Variants in WWP2 observed in about 807,000 individuals in gnomAD.
The protein encoded by WWP2 is WW domain containing E3 ubiquitin protein ligase 2, also known as NEDD4-like E3 ubiquitin-protein ligase WWP2.
In WWP2, 57 loss-of-function variants were observed where a neutral mutation model predicts 121.0. The ratio of observed to expected loss-of-function variants is 0.47; its 90% CI spans 0.38 to 0.59. WWP2 has a LOEUF of 0.59. Among genes scored for constraint, WWP2 ranks in the 20% least tolerant of loss-of-function variants. The probability of loss-of-function intolerance (pLI) is 0.00; values close to 1 mark genes in which losing one functional copy is unlikely to be tolerated. For missense variants in WWP2, 962 were observed against 1,158.9 expected, an observed-to-expected ratio of 0.83 and a Z score of 2.47; for synonymous variants, 449 against 441.3, an observed-to-expected ratio of 1.02 and a Z score of -0.22.
intron 4 of WWP2, among the ~76,000 whole-genome samples, chr16:69,833,381 A>G (rs1272622658): frequency 6.6e-6 from 1 of 151,512 alleles, no homozygotes; most frequent in Non-Finnish European, 1.5e-5. Flanking sequence ...GGGCAGATCT[A>G]GAGGCTGAGA....
chr16:69,910,888 G>C (rs1365614991), intron 9 of WWP2, among the ~76,000 whole-genome samples: 1 of 152,184 alleles, frequency 6.6e-6, no homozygotes, highest in Non-Finnish European at 1.5e-5. Flanking sequence ...TTTCAGGGTA[G>C]TTTTCATGTT....
At chr16:69,898,867 A>T (rs760866264) in intron 8 of WWP2, among the ~76,000 whole-genome samples, 1 of 151,852 alleles carries the variant, frequency 6.6e-6, no homozygotes, top group Non-Finnish European at 1.5e-5. Context: ...CCACTCCCAG[A>T]TACTTTTTCT....
chr16:69,765,976 CTAAA>C (rs1206126375), intron 1 of WWP2, among the ~76,000 whole-genome samples: 1 of 152,124 alleles, frequency 6.6e-6, no homozygotes, highest in African/African-American at 2.4e-5. Flanking sequence ...TCTCTTAACT[CTAAA>C]TACTATCCAC....
intron 15 of WWP2, 72 bp from the exon 16 acceptor site, chr16:69,931,730 C>A: frequency 3.2e-6 from 5 of 1,581,476 alleles, no homozygotes; most frequent in Non-Finnish European, 4.3e-6. Flanking sequence ...GCCTTAGAGT[C>A]CCCTGTCCCT....
chr16:69,889,558 A>G (rs2057988529), intron 8 of WWP2, among the ~76,000 whole-genome samples: 1 of 152,158 alleles, frequency 6.6e-6, no homozygotes, highest in Non-Finnish European at 1.5e-5. Flanking sequence ...AAGTTAAGGG[A>G]CTCAAATAAG....
chr16:69,874,894 C>T (rs995606455), intron 7 of WWP2, among the ~76,000 whole-genome samples: 1 of 152,054 alleles, frequency 6.6e-6, no homozygotes, highest in African/African-American at 2.4e-5. Context: ...TGGTGACATG[C>T]ATCTGTAGTC....
chr16:69,840,411 C>A, intron 5 of WWP2, 148 bp downstream of exon 5: 1 of 958,144 alleles, frequency 1.0e-6, no homozygotes, highest in Non-Finnish European at 1.5e-6. Flanking sequence ...CTCTTCTTAG[C>A]TCCGTGGATC....
intron 16 of WWP2, among the ~76,000 whole-genome samples, chr16:69,932,395 C>G (rs2058730629): frequency 6.6e-6 from 1 of 152,264 alleles, no homozygotes; most frequent in Admixed American, 6.5e-5. Flanking sequence ...GGGCCTGGAA[C>G]AGGGGCCTGG....
At chr16:69,839,156 G>A (rs2056929454) in intron 4 of WWP2, among the ~76,000 whole-genome samples, 1 of 151,544 alleles carries the variant, frequency 6.6e-6, no homozygotes, top group African/African-American at 2.4e-5. Context: ...TGTTGGATTG[G>A]GTGGGGCGGG....
intron 6 of WWP2, among the ~76,000 whole-genome samples, chr16:69,847,173 C>T (rs1402245907): frequency 6.6e-6 from 1 of 152,128 alleles, no homozygotes; most frequent in Non-Finnish European, 1.5e-5. Flanking sequence ...TAAACTCTGC[C>T]TCCCAGGTTC....
At position 69,799,017 on chromosome 16, in the gene WWP2, G is replaced by A; in HGVS notation, c.219-157G>A. 2 of 1,351,304 alleles carry A rather than the reference G, an allele frequency of 1.5e-6. No individual in the cohort carries two copies. Among genetic ancestry groups the A allele is most frequent in the Non-Finnish European group, 2.0e-6 (2 of 994,296 alleles). The allele number at this position is 1,351,304 out of a possible 1,614,324, so 83.7% of individuals were successfully genotyped here. On this transcript the variant is annotated intron_variant, in intron 3 of 23. Coordinates refer to ENST00000359154, the MANE Select transcript of WWP2 (RefSeq NM_001270454.2). The surrounding 1 kb of genome is among the most constrained non-coding windows in gnomAD (Gnocchi z 4.5). The stretch of plus-strand genomic sequence containing the variant: ...TAGAGCGTTCATTATTATCTAGAGG[G>A]TTACAGGGTCAGCTTTGAGAGGGGA...
intron 8 of WWP2, among the ~76,000 whole-genome samples, chr16:69,895,774 A>T (rs1016118950): frequency 3.3e-5 from 5 of 152,182 alleles, no homozygotes; most frequent in Non-Finnish European, 5.9e-5. Context: ...AAAAGAAAAA[A>T]AAGTTTCTAA....
intron 9 of WWP2, among the ~76,000 whole-genome samples, chr16:69,910,558 C>T (rs1307647835): frequency 2.0e-5 from 3 of 152,190 alleles, no homozygotes; most frequent in East Asian, 1.9e-4. Flanking sequence ...TACAGGCGCC[C>T]GCCACTATGC....
Position 69,922,551 on chromosome 16 carries a change from T to G in WWP2, c.1180-2879T>G, listed in dbSNP as rs552064128. On this transcript the variant is annotated intron_variant, in intron 10 of 23. Coordinates refer to ENST00000359154, the MANE Select transcript of WWP2 (RefSeq NM_001270454.2). ...TCCCTTCTGGCTGCAGAGTCCCGCT[T>G]TCCCCCATCTCCATCCTTTTCTGCT... Among the ~76,000 whole-genome samples, 3 of 152,290 alleles carry G rather than the reference T, an allele frequency of 2.0e-5. No homozygotes were observed. In the South Asian group the frequency reaches 6.2e-4, roughly 32 times the overall value.
rs558753627 is a variant in WWP2, at chr16:69,808,138, A to G, written c.340+8843A>G. On this transcript the variant is annotated intron_variant, in intron 4 of 23. Transcript: ENST00000359154. The stretch of plus-strand genomic sequence containing the variant: ...AATAACCACTATTCTGACTTCTATC[A>G]CTATTGTTCAGCTTTGCCTAGTATT... Among the ~76,000 whole-genome samples the G allele has an allele frequency of 6.6e-5, 10 of 152,234 alleles. No homozygotes were observed. The South Asian group carries it at 2.1e-3, about 32-fold the overall frequency.
At chr16:69,917,080 T>C (rs2058489582) in intron 9 of WWP2, among the ~76,000 whole-genome samples, 1 of 152,242 alleles carries the variant, frequency 6.6e-6, no homozygotes, top group Non-Finnish European at 1.5e-5. Flanking sequence ...TGGCACCTTA[T>C]ATCAGGTGAG....
chr16:69,835,089 G>T (rs1414834289), intron 4 of WWP2, among the ~76,000 whole-genome samples: 1 of 152,052 alleles, frequency 6.6e-6, no homozygotes, highest in Non-Finnish European at 1.5e-5. Flanking sequence ...TCAGATTCCA[G>T]TTATGGAAAT....
intron 7 of WWP2, among the ~76,000 whole-genome samples, chr16:69,886,124 C>T (rs2057919875): frequency 6.6e-6 from 1 of 152,178 alleles, no homozygotes; most frequent in Non-Finnish European, 1.5e-5. Flanking sequence ...ACCCTGTCAC[C>T]TAGGCTGGGT....
chr16:69,882,461 T>C (rs903327647), intron 7 of WWP2, among the ~76,000 whole-genome samples: 1 of 152,278 alleles, frequency 6.6e-6, no homozygotes, highest in African/African-American at 2.4e-5. Context: ...TATCAAATGT[T>C]AAGCATTACG....
Sources: gnomAD v4.1 joint callset for allele counts (sites outside exome capture counted in the v4.1 genomes callset) on GRCh38, gnomAD v4.1.1 for gene constraint, Gnocchi (gnomAD v3.1) non-coding constraint, MANE v1.5 for transcripts, NCBI Gene and HGNC (gene_info 2026-07-23, HGNC 2026-07-21) for gene names.